Variants in TMEM232 observed in about 807,000 individuals in gnomAD.
TMEM232 encodes transmembrane protein 232.
TMEM232 carries 80 observed loss-of-function variants against 78.8 expected under a neutral mutation model. The observed-to-expected ratio is 1.01, with a 90% CI of 0.85 to 1.22. The LOEUF is 1.22. Among genes scored for constraint, TMEM232 ranks in the 50% most tolerant of loss-of-function variants. TMEM232 has a pLI of 0.00. For synonymous variants in TMEM232, 297 were observed against 254.3 expected (o/e 1.17, Z -1.60); for missense variants, 881 against 742.2 (o/e 1.19, Z -2.17).
chr5:110,735,902 T>C (rs1272322987), intron 1 of TMEM232, among the ~76,000 whole-genome samples: 1 of 152,204 alleles, frequency 6.6e-6, no homozygotes, highest in Non-Finnish European at 1.5e-5. Flanking sequence ...AACTCAGTCA[T>C]GTCTAAAATG....
intron 8 of TMEM232, chr5:110,617,997 T>C: frequency 5.7e-6 from 1 of 174,292 alleles, no homozygotes; most frequent in Non-Finnish European, 1.2e-5. Context: ...GGTGACAGAG[T>C]GAGACCAAAA....
At chr5:110,567,880 A>G (rs770064087) in intron 11 of TMEM232, among the ~76,000 whole-genome samples, 2 of 151,942 alleles carry the variant, frequency 1.3e-5, no homozygotes, top group Non-Finnish European at 2.9e-5. Context: ...ATAAAAAGCT[A>G]CATCATAAAA....
intron 7 of TMEM232, among the ~76,000 whole-genome samples, chr5:110,622,537 C>T (rs1476211546): frequency 6.6e-6 from 1 of 152,026 alleles, no homozygotes; most frequent in Non-Finnish European, 1.5e-5. Context: ...TTTTTTATGG[C>T]TGCATAGTAT....
intron 12 of TMEM232, among the ~76,000 whole-genome samples, chr5:110,520,039 A>G (rs113245564): frequency 1.4e-3 from 201 of 141,806 alleles, no homozygotes; most frequent in African/African-American, 5.3e-3. Flanking sequence ...ATATTTATGT[A>G]TATATATATA....
intron 12 of TMEM232, among the ~76,000 whole-genome samples, chr5:110,511,236 T>C (rs900047928): frequency 2.0e-5 from 3 of 151,020 alleles, no homozygotes; most frequent in South Asian, 2.1e-4. Flanking sequence ...TAAGTGGGAG[T>C]TGAACAATGA....
chr5:110,684,287 A>G (rs1342463634), intron 1 of TMEM232, among the ~76,000 whole-genome samples: 3 of 152,028 alleles, frequency 2.0e-5, no homozygotes, highest in Non-Finnish European at 4.4e-5. Context: ...TTTTTTAAAT[A>G]TTTACATTAA....
At chr5:110,558,656 A>G (rs759429981) in intron 11 of TMEM232, among the ~76,000 whole-genome samples, 2 of 152,132 alleles carry the variant, frequency 1.3e-5, no homozygotes, top group South Asian at 2.1e-4. Flanking sequence ...CCAACAGTCA[A>G]TAAAGGCCAA....
intron 5 of TMEM232, among the ~76,000 whole-genome samples, chr5:110,637,128 T>C (rs1422742044): frequency 1.3e-5 from 2 of 150,140 alleles, no homozygotes; most frequent in Non-Finnish European, 3.0e-5. Flanking sequence ...TTTTATATAT[T>C]TTATTTTTAC....
chr5:110,731,185 G>A (rs986749525), upstream of TMEM232, among the ~76,000 whole-genome samples: 1 of 152,130 alleles, frequency 6.6e-6, no homozygotes, highest in Non-Finnish European at 1.5e-5. Context: ...TCACCTCCAG[G>A]TCATGGTCTT....
chr5:110,500,672 T>C (rs754497464), intron 12 of TMEM232, among the ~76,000 whole-genome samples: 1 of 151,806 alleles, frequency 6.6e-6, no homozygotes. Flanking sequence ...GAAAAATAAA[T>C]AAAAGACAAT....
At chr5:110,445,326 CTT>C (rs531175213) in intron 12 of TMEM232, among the ~76,000 whole-genome samples, 2 of 152,048 alleles carry the variant, frequency 1.3e-5, no homozygotes, top group South Asian at 4.2e-4. Flanking sequence ...AAATATATAA[CTT>C]AATATTTATG....
At chr5:110,596,664 C>T (rs1326675996) in intron 10 of TMEM232, among the ~76,000 whole-genome samples, 4 of 152,164 alleles carry the variant, frequency 2.6e-5, no homozygotes, top group Non-Finnish European at 5.9e-5. Flanking sequence ...AGCTTATCCA[C>T]CATGATCAAG....
chr5:110,543,408 C>T (rs528170559), intron 11 of TMEM232, among the ~76,000 whole-genome samples: 3 of 152,208 alleles, frequency 2.0e-5, no homozygotes, highest in South Asian at 2.1e-4. Context: ...TCCTTATTTA[C>T]GAAAGGCTTT....
chr5:110,434,703 C>T (rs987264434), intron 12 of TMEM232, among the ~76,000 whole-genome samples: 1 of 152,212 alleles, frequency 6.6e-6, no homozygotes, highest in African/African-American at 2.4e-5. Flanking sequence ...GAAAAATCCT[C>T]AGCAAAATAC....
intron 1 of TMEM232, among the ~76,000 whole-genome samples, chr5:110,712,790 C>CCCA (rs1350314004): frequency 1.3e-5 from 2 of 152,020 alleles, no homozygotes; most frequent in South Asian, 2.1e-4. Context: ...GAAAAGGGAG[C>CCCA]CCACCATACC....
chr5:110,649,970 T>C (rs1788068428), intron 2 of TMEM232, among the ~76,000 whole-genome samples: 1 of 151,996 alleles, frequency 6.6e-6, no homozygotes, highest in Admixed American at 6.6e-5. Flanking sequence ...AATGGAAAAA[T>C]AAATAGAAAT....
chr5:110,645,933 T>C (rs897117069), intron 2 of TMEM232, among the ~76,000 whole-genome samples: 8 of 151,372 alleles, frequency 5.3e-5, no homozygotes, highest in Admixed American at 1.3e-4. Flanking sequence ...CTATCCAAAA[T>C]AGGAAATGGA....
chr5:110,463,836 C>T (rs967442070), intron 12 of TMEM232, among the ~76,000 whole-genome samples: 2 of 152,194 alleles, frequency 1.3e-5, no homozygotes, highest in African/African-American at 4.8e-5. Context: ...ATAAGACCAC[C>T]CACCTGATTT....
chr5:110,730,019 A>C (rs1379955450), upstream of TMEM232, among the ~76,000 whole-genome samples: 1 of 152,220 alleles, frequency 6.6e-6, no homozygotes. Flanking sequence ...AGCACTTATC[A>C]AAATTTTACC....
Sources: gnomAD v4.1 joint callset for allele counts (sites outside exome capture counted in the v4.1 genomes callset) on GRCh38, gnomAD v4.1.1 for gene constraint, MANE v1.5 for transcripts, NCBI Gene and HGNC (gene_info 2026-07-23, HGNC 2026-07-21) for gene names.